YWHAZ: variants seen among roughly 807,000 people sequenced by gnomAD.
The protein encoded by YWHAZ is tyrosine 3-monooxygenase/tryptophan 5-monooxygenase activation protein zeta, also known as 14-3-3 protein zeta/delta.
For missense variants in YWHAZ, 79 were observed against 284.8 expected, an observed-to-expected ratio of 0.28 and a Z score of 5.20; for synonymous variants, 87 against 103.6, an observed-to-expected ratio of 0.84 and a Z score of 0.97.
intron 2 of YWHAZ, among the ~76,000 whole-genome samples, chr8:100,940,607 CA>C (rs1809765141): frequency 6.6e-6 from 1 of 152,028 alleles, no homozygotes; most frequent in African/African-American, 2.4e-5. Context: ...AAATTTAATC[CA>C]AAATTTATAA....
rs1027788824 is a variant in YWHAZ at position 100,916,677 on chromosome 8, A to C, written c.*4016T>G. ...TGAACTCAAATATGATCAAATATTCACATCTCTGGTATCACCTAGGATTGG... is the reference window on the plus strand; with the variant it reads ...TGAACTCAAATATGATCAAATATTCCCATCTCTGGTATCACCTAGGATTGG... On this transcript the variant is annotated 3_prime_UTR_variant, in exon 6 of 6. Transcript: ENST00000395958. The C allele has an allele frequency of 6.6e-6, 1 of 152,264 alleles. No individual in the cohort carries two copies. Among genetic ancestry groups the C allele is most frequent in the African/African-American group, 2.4e-5 (1 of 41,474 alleles). 9.4% of individuals were successfully genotyped at this position (152,264 alleles called of 1,614,324 possible). A position where few individuals can be genotyped will look rare whatever the true frequency, so the allele number is the denominator to read the frequency against.
At chr8:100,952,108 GCA>G (rs1810836852), upstream of YWHAZ, 1 of 986,606 alleles carries the variant, frequency 1.0e-6, no homozygotes, top group Admixed American at 6.1e-5. Flanking sequence ...GGCACCACAC[GCA>G]CGATGACGTC....
rs538482387 is a variant in YWHAZ, at chr8:100,951,245, C to T, written c.-12+684G>A. The T allele has an allele frequency of 2.2e-4, 217 of 985,094 alleles. 1 individual carries two copies. The African/African-American group carries it at 3.6e-3, about 16-fold the overall frequency. The allele number at this position is 985,094 out of a possible 1,614,324, so 61.0% of individuals were successfully genotyped here. A position where few individuals can be genotyped will look rare whatever the true frequency, so the allele number is the denominator to read the frequency against. ...CTCGCCCCGGTCTACCTGGCGGGCG[C>T]CGCCGCGCCAGGCCTGGGCTCCGGC... On this transcript the variant is annotated intron_variant, in intron 1 of 5. Transcript: ENST00000395958.
At chr8:100,939,263 A>G (rs1053569881) in intron 2 of YWHAZ, among the ~76,000 whole-genome samples, 1 of 152,182 alleles carries the variant, frequency 6.6e-6, no homozygotes, top group Non-Finnish European at 1.5e-5. Context: ...AAGGGCTAGC[A>G]GGAAGTGAGA....
At chr8:100,930,391 C>T (rs1813684133) in intron 2 of YWHAZ, among the ~76,000 whole-genome samples, 1 of 152,194 alleles carries the variant, frequency 6.6e-6, no homozygotes, top group Non-Finnish European at 1.5e-5. Flanking sequence ...GCCACCGCGC[C>T]CAGCCAACTC....
In YWHAZ at chr8:100,918,433, T is replaced by A. The variant is rs1292936186; in HGVS notation, c.*2260A>T. On this transcript the variant is annotated 3_prime_UTR_variant, in exon 6 of 6. Transcript: ENST00000395958. Reference sequence around the variant, plus strand: ...TTATATATATATATATATATATATATATATATATATAATTATTTTACCTCC... The same window carrying A: ...TTATATATATATATATATATATATAAATATATATATAATTATTTTACCTCC... 1 of 100,218 alleles carries A rather than the reference T, an allele frequency of 1.0e-5. No homozygotes were observed. Among genetic ancestry groups the A allele is most frequent in the African/African-American group, 3.6e-5 (1 of 28,082 alleles). The allele number at this position is 100,218 out of a possible 1,614,324, so 6.2% of individuals were successfully genotyped here. A position where few individuals can be genotyped will look rare whatever the true frequency, so the allele number is the denominator to read the frequency against.
rs193118513 is a variant in YWHAZ at position 100,941,714 on chromosome 8, G to A, written c.294+6882C>T. Among the ~76,000 whole-genome samples the A allele has an allele frequency of 8.0e-3, 1,220 of 152,108 alleles. 21 individuals carry two copies. Among genetic ancestry groups the A allele is most frequent in the African/African-American group, 0.028 (1,160 of 41,488 alleles). Reference sequence around the variant, plus strand: ...GAGGGAGAATCGCTTGAACCCGGAAGGTGGAGGCTGCAGTGAGGCGAGATT... The same window carrying A: ...GAGGGAGAATCGCTTGAACCCGGAAAGTGGAGGCTGCAGTGAGGCGAGATT... On this transcript the variant is annotated intron_variant, in intron 2 of 5. Coordinates refer to ENST00000395958, the MANE Select transcript of YWHAZ (RefSeq NM_145690.3).
rs1554611379 is a variant in YWHAZ, at chr8:100,918,408, T to TTATATATATATATATTTA, written c.*2284_*2285insTAAATATATATATATATA. The stretch of plus-strand genomic sequence containing the variant: ...AGTCTAGCTATAAAATATAATTACT[T>TTATATATATATATATTTA]TATATATATATATATATATATATAT... On this transcript the variant is annotated 3_prime_UTR_variant, in exon 6 of 6. Transcript: ENST00000395958. The TTATATATATATATATTTA allele has an allele frequency of 4.8e-5, 2 of 41,880 alleles. No individual in the cohort carries two copies. The highest frequency in any genetic ancestry group is 9.6e-5 in the Non-Finnish European group (2 of 20,794). The allele number at this position is 41,880 out of a possible 1,614,324, so 2.6% of individuals were successfully genotyped here.
intron 2 of YWHAZ, among the ~76,000 whole-genome samples, chr8:100,933,196 T>C (rs970219028): frequency 7.2e-5 from 11 of 152,026 alleles, no homozygotes; most frequent in African/African-American, 2.7e-4. Flanking sequence ...CTGTCTCTAC[T>C]AAAAATACAA....
intron 2 of YWHAZ, among the ~76,000 whole-genome samples, chr8:100,942,024 T>C (rs1422073589): frequency 3.9e-5 from 6 of 152,228 alleles, no homozygotes; most frequent in Non-Finnish European, 8.8e-5. Context: ...ACTATCCTTA[T>C]ATTCTTTTAC....
intron 2 of YWHAZ, among the ~76,000 whole-genome samples, chr8:100,944,696 T>C (rs894678553): frequency 2.0e-5 from 3 of 152,162 alleles, no homozygotes; most frequent in Admixed American, 6.5e-5. Flanking sequence ...TGCACTATTA[T>C]AGGCAGGCTC....
At chr8:100,923,344 G>A (rs1175556913) in intron 5 of YWHAZ, 3 of 152,126 alleles carry the variant, frequency 2.0e-5, no homozygotes, top group African/African-American at 7.2e-5. Context: ...CAACTGCATT[G>A]TGGACTGAAT....
chr8:100,951,446 G>A, intron 1 of YWHAZ: 3 of 983,180 alleles, frequency 3.1e-6, no homozygotes, highest in Non-Finnish European at 2.4e-6. Context: ...AGGGGAGGGG[G>A]CGGCCTCACC....
Position 100,918,927 on chromosome 8 carries a change from T to C in YWHAZ, c.*1766A>G, listed in dbSNP as rs1023102210. The C allele has an allele frequency of 2.6e-5, 4 of 152,632 alleles. No individual in the cohort carries two copies. Among genetic ancestry groups the C allele is most frequent in the Non-Finnish European group, 5.9e-5 (4 of 68,060 alleles). The allele number at this position is 152,632 out of a possible 1,614,324, so 9.5% of individuals were successfully genotyped here. A position where few individuals can be genotyped will look rare whatever the true frequency, so the allele number is the denominator to read the frequency against. ...GAGCTTTGGGTATAACTTAGCCCCATCATTATTTAGAGAATAGAGGAGGAA... is the reference window on the plus strand; with the variant it reads ...GAGCTTTGGGTATAACTTAGCCCCACCATTATTTAGAGAATAGAGGAGGAA... On this transcript the variant is annotated 3_prime_UTR_variant, in exon 6 of 6. Coordinates refer to ENST00000395958, the MANE Select transcript of YWHAZ (RefSeq NM_145690.3).
chr8:100,934,364 T>C (rs1394537284), intron 2 of YWHAZ, among the ~76,000 whole-genome samples: 1 of 150,524 alleles, frequency 6.6e-6, no homozygotes, highest in Non-Finnish European at 1.5e-5. Flanking sequence ...GCTAAGTAAG[T>C]TGCTACATAC....
intron 1 of YWHAZ, among the ~76,000 whole-genome samples, chr8:100,950,123 CT>C (rs1810600194): frequency 6.6e-6 from 1 of 152,180 alleles, no homozygotes; most frequent in South Asian, 2.1e-4. Flanking sequence ...TAATTAACCA[CT>C]TTGGATGCAA....
chr8:100,921,115 C>A (rs1419177575), intron 5 of YWHAZ, among the ~76,000 whole-genome samples: 1 of 152,054 alleles, frequency 6.6e-6, no homozygotes, highest in African/African-American at 2.4e-5. Context: ...CTCAATGAAC[C>A]CTCCGCCTCC....
At chr8:100,928,279 C>CA (rs34319976) in intron 2 of YWHAZ, among the ~76,000 whole-genome samples, 25,865 of 146,226 alleles carry the variant, frequency 0.18, 2,788 homozygotes, top group East Asian at 0.5. Context: ...GACTCCGTCT[C>CA]AAAAAAAAAG....
intron 2 of YWHAZ, among the ~76,000 whole-genome samples, chr8:100,938,434 A>G (rs974469636): frequency 1.3e-5 from 2 of 152,228 alleles, no homozygotes; most frequent in African/African-American, 4.8e-5. Context: ...ATACTTAAAC[A>G]TATTTCTACA....
Sources: allele counts gnomAD v4.1 joint callset (sites outside exome capture counted in the v4.1 genomes callset), GRCh38; gene constraint gnomAD v4.1.1; transcripts MANE v1.5; gene names NCBI Gene and HGNC (gene_info 2026-07-23, HGNC 2026-07-21).